KCNMA1: variants seen among roughly 807,000 people sequenced by gnomAD.
KCNMA1 encodes the protein Calcium-activated potassium channel subunit alpha-1.
In KCNMA1, 29 loss-of-function variants were observed where a neutral mutation model predicts 140.0. The ratio of observed to expected loss-of-function variants is 0.21; its 90% CI spans 0.15 to 0.28. The LOEUF is 0.28. KCNMA1 is among the 10% of genes least tolerant of loss of function. KCNMA1 has a pLI of 1.00. For missense variants in KCNMA1, 880 were observed against 1,602.2 expected, an observed-to-expected ratio of 0.55 and a Z score of 7.70; for synonymous variants, 612 against 611.9, an observed-to-expected ratio of 1.00 and a Z score of 0.00.
intron 1 of KCNMA1, among the ~76,000 whole-genome samples, chr10:77,564,926 G>C (rs2067656526): frequency 6.6e-6 from 1 of 152,196 alleles, no homozygotes; most frequent in South Asian, 2.1e-4. Flanking sequence ...TCAGTATTTG[G>C]GGAGCTTAAT....
intron 2 of KCNMA1, among the ~76,000 whole-genome samples, chr10:77,330,819 C>A (rs2086104906): frequency 6.6e-6 from 1 of 152,072 alleles, no homozygotes; most frequent in South Asian, 2.1e-4. Flanking sequence ...ACCTATATGA[C>A]CTCAATAAAG....
chr10:77,340,361 T>G (rs169602), intron 2 of KCNMA1, among the ~76,000 whole-genome samples: 127,237 of 152,168 alleles, frequency 0.84, 53,362 homozygotes, highest in Middle Eastern at 0.9. Flanking sequence ...CCCATTACTG[T>G]ATATATACCC....
intron 9 of KCNMA1, among the ~76,000 whole-genome samples, chr10:77,098,474 C>T (rs1024613161): frequency 2.0e-5 from 3 of 152,060 alleles, no homozygotes; most frequent in Admixed American, 6.6e-5. Context: ...TCCCGAGTTT[C>T]CACTTCCTCA....
chr10:77,458,407 AC>A (rs1361217206), intron 1 of KCNMA1, among the ~76,000 whole-genome samples: 4 of 152,232 alleles, frequency 2.6e-5, no homozygotes, highest in Non-Finnish European at 5.9e-5. Flanking sequence ...CCACACAGCC[AC>A]TTGGAAGCAG....
intron 3 of KCNMA1, among the ~76,000 whole-genome samples, chr10:77,211,888 A>C (rs1026511546): frequency 1.3e-5 from 2 of 152,222 alleles, no homozygotes; most frequent in Non-Finnish European, 2.9e-5. Context: ...AATTTAAACC[A>C]CAATGAGATA....
chr10:77,136,549 G>T (rs1464218775), intron 5 of KCNMA1, among the ~76,000 whole-genome samples: 2 of 149,738 alleles, frequency 1.3e-5, no homozygotes, highest in Non-Finnish European at 3.0e-5. Context: ...TATGTTATGT[G>T]TTTTTCACCA....
At chr10:77,287,376 T>C (rs2071390887) in intron 2 of KCNMA1, among the ~76,000 whole-genome samples, 1 of 152,182 alleles carries the variant, frequency 6.6e-6, no homozygotes, top group Non-Finnish European at 1.5e-5. Flanking sequence ...ACTATCTACC[T>C]ACACAAAGAG....
At chr10:77,487,524 A>G (rs543509166) in intron 1 of KCNMA1, among the ~76,000 whole-genome samples, 2 of 152,294 alleles carry the variant, frequency 1.3e-5, no homozygotes, top group East Asian at 1.9e-4. Context: ...ACAACACTGC[A>G]CATTCCCCTT....
chr10:77,225,647 G>A (rs916569720), intron 3 of KCNMA1, among the ~76,000 whole-genome samples: 1 of 152,192 alleles, frequency 6.6e-6, no homozygotes, highest in Non-Finnish European at 1.5e-5. Flanking sequence ...TGTCGTAGGT[G>A]CCCACGGGAC....
chr10:77,427,398 T>C (rs646678), intron 1 of KCNMA1, among the ~76,000 whole-genome samples: 74,010 of 152,110 alleles, frequency 0.49, 19,608 homozygotes, highest in African/African-American at 0.7. Flanking sequence ...CTCTGTGAGC[T>C]TCAGTGCCCT....
intron 1 of KCNMA1, among the ~76,000 whole-genome samples, chr10:77,551,823 G>T (rs1472401536): frequency 1.3e-5 from 2 of 152,114 alleles, no homozygotes; most frequent in Non-Finnish European, 2.9e-5. Context: ...TCAACCAGAG[G>T]ACAGATGTAG....
At chr10:77,281,215 G>C (rs1384451210) in intron 2 of KCNMA1, among the ~76,000 whole-genome samples, 2 of 152,168 alleles carry the variant, frequency 1.3e-5, no homozygotes, top group African/African-American at 2.4e-5. Context: ...CTGAGCCCTG[G>C]CAAGTGCCAC....
intron 3 of KCNMA1, among the ~76,000 whole-genome samples, chr10:77,243,521 A>G (rs984054847): frequency 6.6e-6 from 1 of 152,230 alleles, no homozygotes; most frequent in African/African-American, 2.4e-5. Flanking sequence ...GAGAGGGCTG[A>G]GAGAGTGCCA....
chr10:77,443,173 G>A (rs940628175), intron 1 of KCNMA1, among the ~76,000 whole-genome samples: 1 of 152,156 alleles, frequency 6.6e-6, no homozygotes, highest in African/African-American at 2.4e-5. Flanking sequence ...CCCAAAAGAG[G>A]GGGAAAGGCT....
At chr10:77,008,214 T>G (rs1317170653) in intron 18 of KCNMA1, 6 of 1,533,360 alleles carry the variant, frequency 3.9e-6, no homozygotes, top group Non-Finnish European at 5.2e-6. Flanking sequence ...GCAGTTAAAA[T>G]AGAGTAGGGG....
At position 76,949,288 on chromosome 10, in the gene KCNMA1, T is replaced by C. The variant is rs771514811; in HGVS notation, c.2563A>G (p.Ile855Val). 15 of 1,614,008 alleles carry C rather than the reference T, an allele frequency of 9.3e-6. No individual in the cohort carries two copies. The change falls in exon 22 of 28, where the codon ATC (isoleucine) becomes GTC (valine). Residue 855 changes from isoleucine (I) to valine (V), a missense_variant. Around this residue, in one of 13 missense-constraint regions of KCNMA1, gnomAD observed 82 missense variants for 170.1 expected, o/e 0.48. Coordinates refer to ENST00000286628, the MANE Select transcript of KCNMA1 (RefSeq NM_001161352.2). ...CIFGDVSSALIGLRNLVMPLR... is the reference protein window; with the variant it reads ...CIFGDVSSALVGLRNLVMPLR... ...GGCATCACCAGGTTCCGGAGGCCGA[T>C]CAGGGCTGAGCTGACGTCGCCAAAG...
chr10:77,436,997 C>CACAA (rs59376789), intron 1 of KCNMA1, among the ~76,000 whole-genome samples: 134 of 126,966 alleles, frequency 1.1e-3, no homozygotes, highest in African/African-American at 3.0e-3. Context: ...CACACACACA[C>CACAA]TCCTTCAGCC....
chr10:76,917,882 G>T (rs531312166), intron 23 of KCNMA1, among the ~76,000 whole-genome samples: 1 of 152,066 alleles, frequency 6.6e-6, no homozygotes, highest in Non-Finnish European at 1.5e-5. Context: ...GGTCAGAAAC[G>T]GCAGGATTGC....
At chr10:77,122,149 T>G (rs773612541) in intron 5 of KCNMA1, among the ~76,000 whole-genome samples, 5 of 152,160 alleles carry the variant, frequency 3.3e-5, no homozygotes, top group Non-Finnish European at 5.9e-5. Flanking sequence ...CCTTACTACC[T>G]TCTACTTGAA....
Sources: gnomAD v4.1 joint callset for allele counts (sites outside exome capture counted in the v4.1 genomes callset) on GRCh38, gnomAD v4.1.1 for gene constraint, gnomAD v4.1.1 regional missense constraint, MANE v1.5 for transcripts, NCBI Gene and HGNC (gene_info 2026-07-23, HGNC 2026-07-21) for gene names.